Variants in HSPG2 observed in about 807,000 individuals in gnomAD.
The protein encoded by HSPG2 is basement membrane-specific heparan sulfate proteoglycan core protein.
HSPG2 carries 278 observed loss-of-function variants against 526.6 expected under a neutral mutation model. That is an observed-to-expected ratio of 0.53 (90% CI 0.48 to 0.58). The LOEUF is 0.58. Ranked by LOEUF, HSPG2 falls within the 20% of genes least tolerant of loss-of-function variation. The pLI, the probability that HSPG2 is intolerant of heterozygous loss-of-function variation, is 0.00. For synonymous variants in HSPG2, 2,465 were observed against 2,555.4 expected (o/e 0.96, Z 1.07); for missense variants, 5,354 against 6,099.5 (o/e 0.88, Z 4.07).
rs112247953 is a variant in HSPG2 at position 21,904,843 on chromosome 1, C to T, written c.64-8533G>A. On this transcript the variant is annotated intron_variant, in intron 1 of 96. Coordinates refer to ENST00000374695, the MANE Select transcript of HSPG2 (RefSeq NM_005529.7). This position sits in a 1 kb window ranked among gnomAD's most constrained non-coding sequence, Gnocchi z 4.4. ...AGCCTGGCTTGGTTCTCAGGTTCTC[C>T]GGCTCCCAGCTGCCCTGCTGCCCTG... Among the ~76,000 whole-genome samples, 18 of 152,252 alleles carry T rather than the reference C, an allele frequency of 1.2e-4. No homozygotes were observed. In the East Asian group the frequency reaches 1.6e-3, roughly 13 times the overall value.
In HSPG2 at chr1:21,859,911, C is replaced by A; in HGVS notation, c.5106G>T (p.Gly1702=). Residue 1702 remains glycine (G), a synonymous_variant, in exon 41 of 97, where the codon GGG becomes GGT. Transcript: ENST00000374695. This position sits in a 1 kb window ranked among gnomAD's most constrained non-coding sequence, Gnocchi z 5.3. ...GSHSLRCQVS[G]SPPHYFYWSR... ...ACCAATAGAAGTAGTGGGGTGGGCTCCCACTGACCTGACACCGCAGGGAGT... is the reference window on the plus strand; with the variant it reads ...ACCAATAGAAGTAGTGGGGTGGGCTACCACTGACCTGACACCGCAGGGAGT... The A allele has an allele frequency of 6.2e-7, 1 of 1,610,204 alleles. No individual in the cohort carries two copies. The highest frequency in any genetic ancestry group is 1.7e-4 in the Middle Eastern group (1 of 6,056).
In HSPG2 at chr1:21,846,199, G is replaced by A. The variant is rs753033341; in HGVS notation, c.8373C>T (p.Tyr2791=). ...CAGAGCTGCCCATCACCCGGCACAC[G>A]TATTCACCCGAGTCGGCCGGGGACA... ...HHVSPADSGE[Y]VCRVMGSSGP... Residue 2791 remains tyrosine (Y), a synonymous_variant, in exon 64 of 97, where the codon TAC becomes TAT. Transcript: ENST00000374695. 12 of 1,612,946 alleles carry A rather than the reference G, an allele frequency of 7.4e-6. No individual in the cohort carries two copies. The highest frequency in any genetic ancestry group is 1.7e-5 in the Admixed American group (1 of 60,004).
chr1:21,926,478 C>T (rs1010452844), intron 1 of HSPG2, among the ~76,000 whole-genome samples: 6 of 152,080 alleles, frequency 3.9e-5, no homozygotes, highest in East Asian at 3.9e-4. Flanking sequence ...GGCTGCTGGG[C>T]GTGGTGGCTC....
intron 1 of HSPG2, among the ~76,000 whole-genome samples, chr1:21,907,037 G>A (rs1643417000): frequency 6.6e-6 from 1 of 152,154 alleles, no homozygotes; most frequent in Non-Finnish European, 1.5e-5. Flanking sequence ...TCTCCTCAGG[G>A]TGATTGACAC....
intron 1 of HSPG2, among the ~76,000 whole-genome samples, chr1:21,933,687 G>A (rs990705619): frequency 6.6e-6 from 1 of 152,254 alleles, no homozygotes; most frequent in African/African-American, 2.4e-5. Context: ...TGGGCCTAAG[G>A]GATGGGGGGG....
chr1:21,832,838 A>C, intron 80 of HSPG2: 1 of 592,834 alleles, frequency 1.7e-6, no homozygotes. Flanking sequence ...CACACACTGG[A>C]GTCTCCCTCA....
In HSPG2 at chr1:21,864,351, C is replaced by T. The variant is rs1283629545; in HGVS notation, c.4627-138G>A. 8.2e-6 allele frequency: 6 copies of T among 734,024 alleles called. No homozygotes were observed. The highest frequency in any genetic ancestry group is 1.5e-5 in the Non-Finnish European group (6 of 407,784). The allele number at this position is 734,024 out of a possible 1,614,324, so 45.5% of individuals were successfully genotyped here. ...GGCCGGCGCCCCTCCTTCCCCACTT[C>T]TGCTCAGTCTGTCCTCCCACCCACG... On this transcript the variant is annotated intron_variant, in intron 36 of 96. Coordinates refer to ENST00000374695, the MANE Select transcript of HSPG2 (RefSeq NM_005529.7). This position sits in a 1 kb window ranked among gnomAD's most constrained non-coding sequence, Gnocchi z 4.8.
In HSPG2 at chr1:21,880,422, C is replaced by A; in HGVS notation, c.2136G>T (p.Met712Ile). Residue 712 changes from methionine to isoleucine, a missense_variant, in exon 16 of 97, where the codon ATG (methionine) becomes ATT (isoleucine). Transcript: ENST00000374695. ...MASVGLSDIA[M>I]DTTVTHATSH... ...TGGTGGCATGGGTGACGGTGGTATC[C>A]ATGGCGATGTCGCTAAGTCCCACGC... The A allele has an allele frequency of 6.2e-7, 1 of 1,614,052 alleles. No homozygotes were observed. The highest frequency in any genetic ancestry group is 2.2e-5 in the East Asian group (1 of 44,882).
rs539154615 is a variant in HSPG2, at chr1:21,896,631, A to T, written c.64-321T>A. Among the ~76,000 whole-genome samples, 6 of 152,306 alleles carry T rather than the reference A, an allele frequency of 3.9e-5. No individual in the cohort carries two copies. In the South Asian group the frequency reaches 1.2e-3, roughly 32 times the overall value. On this transcript the variant is annotated intron_variant, in intron 1 of 96. Transcript: ENST00000374695. Reference sequence around the variant, plus strand: ...TTGGAGAAGGCAAGGGACACCCAGGACATGAGTGAGTGGATGGGGGGATGC... The same window carrying T: ...TTGGAGAAGGCAAGGGACACCCAGGTCATGAGTGAGTGGATGGGGGGATGC...
chr1:21,907,782 G>A (rs1482365586), intron 1 of HSPG2, among the ~76,000 whole-genome samples: 1 of 152,152 alleles, frequency 6.6e-6, no homozygotes, highest in African/African-American at 2.4e-5. Context: ...CTAAAGTGCT[G>A]GGATTACAGG....
At chr1:21,866,338 G>A (rs1250802385) in intron 33 of HSPG2, among the ~76,000 whole-genome samples, 1 of 152,152 alleles carries the variant, frequency 6.6e-6, no homozygotes, top group Admixed American at 6.5e-5. Context: ...CAGACCATGT[G>A]GTCTGAGGGC....
chr1:21,823,554 G>T, intron 96 of HSPG2, 62 bp downstream of exon 96: 1 of 1,607,592 alleles, frequency 6.2e-7, no homozygotes. Flanking sequence ...AAGGCTGGGC[G>T]AGCTCTAGCC....
chr1:21,878,268 G>T lies in HSPG2; in HGVS notation c.2618-15C>A. Reference sequence around the variant, plus strand: ...AATCTCCTGGTCTGGGACACAAAACGAGTGTTGGCAGGGCAGGTGGGAATG... The same window carrying T: ...AATCTCCTGGTCTGGGACACAAAACTAGTGTTGGCAGGGCAGGTGGGAATG... On this transcript the variant is annotated splice_polypyrimidine_tract_variant and intron_variant, in intron 20 of 96. Transcript: ENST00000374695. 1 of 1,613,604 alleles carries T rather than the reference G, an allele frequency of 6.2e-7. No individual in the cohort carries two copies. Among genetic ancestry groups the T allele is most frequent in the Non-Finnish European group, 8.5e-7 (1 of 1,179,782 alleles).
chr1:21,863,548 G>C (rs1639992516), intron 37 of HSPG2, among the ~76,000 whole-genome samples: 1 of 151,714 alleles, frequency 6.6e-6, no homozygotes, highest in African/African-American at 2.4e-5. Context: ...ACCCTGGGGG[G>C]CTATATACAT....
rs1424867300 is a variant in HSPG2 at position 21,853,021 on chromosome 1, C to T, written c.6489G>A (p.Val2163=). 1.2e-6 allele frequency: 2 copies of T among 1,613,894 alleles called. No homozygotes were observed. The highest frequency in any genetic ancestry group is 2.2e-5 in the East Asian group (1 of 44,876). The change falls in exon 51 of 97, where the codon GTG becomes GTA. Residue 2163 remains valine (V), a synonymous_variant. Transcript: ENST00000374695. ...PIRIEPSSSH[V]AEGQTLDLNC... The stretch of plus-strand genomic sequence containing the variant: ...TCAGATCCAGGGTCTGCCCTTCCGC[C>T]ACGTGTGAGGAGGAGGGCTCGATGC...
Position 21,872,310 on chromosome 1 carries a change from C to T in HSPG2, c.4097G>A (p.Arg1366His), listed in dbSNP as rs375198977. 142 of 1,574,140 alleles carry T rather than the reference C, an allele frequency of 9.0e-5. No homozygotes were observed. Among genetic ancestry groups the T allele is most frequent in the East Asian group, 2.6e-4 (11 of 42,500 alleles). ...FALVNPQRNS[R>H]LTGEFTVEPV... ...TTCCACAGTGAATTCTCCTGTCAGGCGGCTGTTTCGCTGTGGGTTCACCAG... is the reference window on the plus strand; with the variant it reads ...TTCCACAGTGAATTCTCCTGTCAGGTGGCTGTTTCGCTGTGGGTTCACCAG... Residue 1366 changes from arginine to histidine, a missense_variant, in exon 33 of 97, where the codon CGC becomes CAC. Arg to His is a conservative substitution (Grantham distance 29). Transcript: ENST00000374695. This position sits in a 1 kb window ranked among gnomAD's most constrained non-coding sequence, Gnocchi z 5.5.
rs1162348151 is a variant in HSPG2, at chr1:21,823,388, G to A, written c.13104C>T (p.Ala4368=). The change falls in exon 97 of 97, where the codon GCC becomes GCT. Residue 4368 remains alanine, a synonymous_variant. Coordinates refer to ENST00000374695, the MANE Select transcript of HSPG2 (RefSeq NM_005529.7). ...GCAGGTCCAGGGGCTGTGGGGGCGG[G>A]GCGCCGGGTCGGGCCGAGTGCAGCA... ...NLVLHSARPG[A]PPPQPLDLQH... 7.1e-6 allele frequency: 11 copies of A among 1,557,978 alleles called. No homozygotes were observed. Among genetic ancestry groups the A allele is most frequent in the Non-Finnish European group, 9.5e-6 (11 of 1,156,316 alleles).
Position 21,878,504 on chromosome 1 carries a change from G to A in HSPG2, c.2559-13C>T, listed in dbSNP as rs1044965784. 6 of 1,613,260 alleles carry A rather than the reference G, an allele frequency of 3.7e-6. No homozygotes were observed. The highest frequency in any genetic ancestry group is 5.1e-6 in the Non-Finnish European group (6 of 1,179,760). On this transcript the variant is annotated splice_polypyrimidine_tract_variant and intron_variant, in intron 19 of 96. Transcript: ENST00000374695. Reference sequence around the variant, plus strand: ...TCCGGGGGCACAGCTAGGGGAGAGAGGGGGCCGCCATCAGCACTTCCATGA... The same window carrying A: ...TCCGGGGGCACAGCTAGGGGAGAGAAGGGGCCGCCATCAGCACTTCCATGA...
At position 21,858,131 on chromosome 1, in the gene HSPG2, C is replaced by T. The variant is rs190636063; in HGVS notation, c.5294-746G>A. ...GACTCTTGCAGGAGTTGTCCACACTCGCTGCCTTCCCACCCATGTGTCGCC... is the reference window on the plus strand; with the variant it reads ...GACTCTTGCAGGAGTTGTCCACACTTGCTGCCTTCCCACCCATGTGTCGCC... On this transcript the variant is annotated intron_variant, in intron 42 of 96. Coordinates refer to ENST00000374695, the MANE Select transcript of HSPG2 (RefSeq NM_005529.7). This position sits in a 1 kb window ranked among gnomAD's most constrained non-coding sequence, Gnocchi z 4.2. Among the ~76,000 whole-genome samples, 1 of 152,246 alleles carries T rather than the reference C, an allele frequency of 6.6e-6. No homozygotes were observed. Among genetic ancestry groups the T allele is most frequent in the Admixed American group, 6.5e-5 (1 of 15,300 alleles).
Sources: gnomAD v4.1 joint callset for allele counts (sites outside exome capture counted in the v4.1 genomes callset) on GRCh38, gnomAD v4.1.1 for gene constraint, Gnocchi (gnomAD v3.1) non-coding constraint, MANE v1.5 for transcripts, NCBI Gene and HGNC (gene_info 2026-07-23, HGNC 2026-07-21) for gene names.